TENM2: variants seen among roughly 807,000 people sequenced by gnomAD.
TENM2 encodes the protein teneurin-2.
In TENM2, 52 loss-of-function variants were observed where a neutral mutation model predicts 245.2. The ratio of observed to expected loss-of-function variants is 0.21; its 90% confidence interval spans 0.17 to 0.27. The LOEUF (loss-of-function observed/expected upper bound fraction) is 0.27. TENM2 is among the 10% of genes least tolerant of loss of function. TENM2 has a pLI of 1.00. For synonymous variants in TENM2, 1,363 were observed against 1,438.9 expected (o/e 0.95, Z 1.19); for missense variants, 3,046 against 3,666.8 (o/e 0.83, Z 4.37).
chr5:167,839,272 T>G (rs757197984), intron 2 of TENM2, among the ~76,000 whole-genome samples: 2 of 152,210 alleles, frequency 1.3e-5, no homozygotes, highest in African/African-American at 2.4e-5. Flanking sequence ...AGATGCCAGA[T>G]GAATCTTTGC....
At chr5:167,628,246 C>G (rs1256242162) in intron 2 of TENM2, among the ~76,000 whole-genome samples, 4 of 152,136 alleles carry the variant, frequency 2.6e-5, no homozygotes, top group Middle Eastern at 3.2e-3. Context: ...TCAGTGACGT[C>G]TCTGTTTTGC....
At chr5:167,158,961 CTT>C in the TENM2 span, among the ~76,000 whole-genome samples, 1 of 114,332 alleles carries the variant, frequency 8.7e-6, no homozygotes, top group Non-Finnish European at 1.8e-5. Context: ...TTCTTTCTTT[CTT>C]TTTTTTTTTT....
At chr5:167,473,883 A>C (rs1471074033) in intron 2 of TENM2, among the ~76,000 whole-genome samples, 2 of 152,206 alleles carry the variant, frequency 1.3e-5, no homozygotes, top group Non-Finnish European at 2.9e-5. Flanking sequence ...TTAGATACTC[A>C]ATGAGCATCA....
intron 2 of TENM2, among the ~76,000 whole-genome samples, chr5:167,671,591 G>T (rs550114058): frequency 1.1e-4 from 17 of 152,004 alleles, no homozygotes; most frequent in Admixed American, 1.3e-4. Context: ...AATAAATATT[G>T]TATTTTATAG....
chr5:167,459,162 A>G (rs1047078954), intron 2 of TENM2, among the ~76,000 whole-genome samples: 1 of 152,010 alleles, frequency 6.6e-6, no homozygotes, highest in Non-Finnish European at 1.5e-5. Flanking sequence ...CCCCCTTCCC[A>G]TACCATCTGG....
chr5:167,053,261 G>A, the TENM2 span, among the ~76,000 whole-genome samples: 1 of 152,016 alleles, frequency 6.6e-6, no homozygotes, highest in African/African-American at 2.4e-5. Flanking sequence ...TACAAAATAT[G>A]CTCTTTTCTT....
chr5:167,751,254 C>T (rs1025286725), intron 2 of TENM2, among the ~76,000 whole-genome samples: 1 of 152,052 alleles, frequency 6.6e-6, no homozygotes, highest in Non-Finnish European at 1.5e-5. Context: ...AAACAGGAAG[C>T]CAGTGACAGA....
intron 5 of TENM2, among the ~76,000 whole-genome samples, chr5:168,044,178 G>A (rs1044371868): frequency 3.3e-5 from 5 of 152,214 alleles, no homozygotes; most frequent in Admixed American, 2.6e-4. Context: ...CACTTTGGGA[G>A]GCCGAGGTGG....
chr5:168,252,120 G>A (rs11950425), intron 27 of TENM2, among the ~76,000 whole-genome samples: 2 of 152,122 alleles, frequency 1.3e-5, no homozygotes, highest in African/African-American at 2.4e-5. Context: ...GCTTAGGCCT[G>A]TAATACCAGC....
At chr5:167,168,747 G>T in the TENM2 span, among the ~76,000 whole-genome samples, 2 of 152,028 alleles carry the variant, frequency 1.3e-5, no homozygotes, top group African/African-American at 4.8e-5. Flanking sequence ...TGATGCCTGA[G>T]TTTATTTTTT....
intron 3 of TENM2, among the ~76,000 whole-genome samples, chr5:167,882,352 T>G (rs1773948386): frequency 6.6e-6 from 1 of 152,222 alleles, no homozygotes; most frequent in South Asian, 2.1e-4. Flanking sequence ...GCATGTGCTC[T>G]GACAAGTCTT....
chr5:167,672,079 G>A (rs1755986925), intron 2 of TENM2, among the ~76,000 whole-genome samples: 1 of 151,990 alleles, frequency 6.6e-6, no homozygotes, highest in Non-Finnish European at 1.5e-5. Context: ...GCAAAATTAT[G>A]CAGTGAAAAC....
intron 2 of TENM2, among the ~76,000 whole-genome samples, chr5:167,425,632 C>G (rs1276671369): frequency 6.6e-6 from 1 of 152,124 alleles, no homozygotes; most frequent in Non-Finnish European, 1.5e-5. Flanking sequence ...ATAAAATACA[C>G]AAGATATAAT....
chr5:167,795,887 A>G (rs1410019838), intron 2 of TENM2, among the ~76,000 whole-genome samples: 2 of 152,216 alleles, frequency 1.3e-5, no homozygotes, highest in Non-Finnish European at 1.5e-5. Flanking sequence ...ACTTCTTTAG[A>G]AATAAGGAGA....
intron 2 of TENM2, among the ~76,000 whole-genome samples, chr5:167,387,929 G>T (rs1304456198): frequency 6.6e-6 from 1 of 152,026 alleles, no homozygotes; most frequent in Non-Finnish European, 1.5e-5. Flanking sequence ...CTAGTATTTT[G>T]TTAAGGACTT....
chr5:167,804,071 A>G (rs1220856894), intron 2 of TENM2, among the ~76,000 whole-genome samples: 2 of 152,098 alleles, frequency 1.3e-5, no homozygotes, highest in Admixed American at 1.3e-4. Flanking sequence ...GGGGATGTTT[A>G]ATGGGTGTAA....
At chr5:167,547,236 C>A (rs954193903) in intron 2 of TENM2, among the ~76,000 whole-genome samples, 4 of 152,174 alleles carry the variant, frequency 2.6e-5, no homozygotes, top group Admixed American at 2.6e-4. Flanking sequence ...CAGGCACGTG[C>A]CACCACGCCT....
the TENM2 span, among the ~76,000 whole-genome samples, chr5:167,245,749 G>A: frequency 1.2e-3 from 182 of 152,198 alleles, no homozygotes; most frequent in Non-Finnish European, 1.7e-3. Context: ...ATATTCAGGC[G>A]CAAAAGCAAA....
chr5:167,963,488 G>C (rs1432100534), intron 4 of TENM2, among the ~76,000 whole-genome samples: 1 of 152,152 alleles, frequency 6.6e-6, no homozygotes, highest in African/African-American at 2.4e-5. Flanking sequence ...TTAAAAGCAA[G>C]ACATTCTGAA....
Sources: gnomAD v4.1 joint callset for allele counts (sites outside exome capture counted in the v4.1 genomes callset) on GRCh38, gnomAD v4.1.1 for gene constraint, MANE v1.5 for transcripts, NCBI Gene and HGNC (gene_info 2026-07-23, HGNC 2026-07-21) for gene names.